The following SRGAP2C variants were observed in gnomAD, a reference collection of about 807,000 sequenced individuals.
The protein encoded by SRGAP2C is SLIT-ROBO Rho GTPase-activating protein 2C.
A neutral mutation model predicts 25.1 loss-of-function variants in SRGAP2C; 15 were observed. That is an observed-to-expected ratio of 0.60 (90% confidence interval 0.40 to 0.92). The LOEUF is 0.92. Ranked by LOEUF, SRGAP2C falls within the 40% of genes least tolerant of loss-of-function variation. The probability of loss-of-function intolerance (pLI) is 0.00; values close to 1 mark genes in which losing one functional copy is unlikely to be tolerated. For synonymous variants in SRGAP2C, 44 were observed against 96.6 expected, an observed-to-expected ratio of 0.46 and a Z score of 3.19; for missense variants, 144 against 264.4, an observed-to-expected ratio of 0.54 and a Z score of 3.16.
chr1:121,225,843 T>A (rs1232876565), intron 2 of SRGAP2C, among the ~76,000 whole-genome samples: 1 of 140,916 alleles, frequency 7.1e-6, no homozygotes, highest in Non-Finnish European at 1.5e-5. Context: ...TAGCTGGGAT[T>A]ACAGGCGCCC....
At chr1:121,259,434 C>A (rs1656558553) in intron 2 of SRGAP2C, among the ~76,000 whole-genome samples, 1 of 129,334 alleles carries the variant, frequency 7.7e-6, no homozygotes, top group African/African-American at 3.0e-5. Flanking sequence ...GAGCCAAGAT[C>A]ATGCCACTGC....
chr1:121,198,289 T>C (rs1374847067), intron 2 of SRGAP2C, among the ~76,000 whole-genome samples: 1 of 151,624 alleles, frequency 6.6e-6, no homozygotes, highest in Middle Eastern at 3.2e-3. Context: ...TTGTTTTTTT[T>C]TTTTGTTTGT....
At chr1:121,198,300 T>G (rs1236293165) in intron 2 of SRGAP2C, among the ~76,000 whole-genome samples, 4 of 151,690 alleles carry the variant, frequency 2.6e-5, no homozygotes, top group African/African-American at 4.9e-5. Flanking sequence ...TTTTGTTTGT[T>G]TGTTTGTTTT....
intron 4 of SRGAP2C, among the ~76,000 whole-genome samples, chr1:121,355,164 T>C (rs1659032298): frequency 6.9e-6 from 1 of 145,244 alleles, no homozygotes; most frequent in Admixed American, 7.0e-5. Context: ...AGATAAATCA[T>C]CACCCCAATG....
At chr1:121,216,261 G>A (rs1454396291) in intron 2 of SRGAP2C, among the ~76,000 whole-genome samples, 1 of 151,988 alleles carries the variant, frequency 6.6e-6, no homozygotes, top group African/African-American at 2.4e-5. Context: ...TCTGCAAAGA[G>A]GGACAGTCCC....
intron 2 of SRGAP2C, among the ~76,000 whole-genome samples, chr1:121,255,509 C>A (rs1377170842): frequency 2.6e-5 from 4 of 151,096 alleles, no homozygotes; most frequent in Admixed American, 6.6e-5. Flanking sequence ...TCAAGAGATA[C>A]TTTTATTCCT....
intron 2 of SRGAP2C, among the ~76,000 whole-genome samples, chr1:121,254,003 C>T (rs1231617895): frequency 6.6e-6 from 1 of 151,730 alleles, no homozygotes; most frequent in Non-Finnish European, 1.5e-5. Flanking sequence ...GTCTCAACCT[C>T]CTGGGTTCAA....
chr1:121,310,801 T>C (rs1410110327), intron 3 of SRGAP2C, among the ~76,000 whole-genome samples: 1 of 86,908 alleles, frequency 1.2e-5, no homozygotes, highest in Non-Finnish European at 2.5e-5. Flanking sequence ...TTGGTACCAG[T>C]ACCATGCTGT....
chr1:121,329,696 T>C (rs1391017010), intron 4 of SRGAP2C, among the ~76,000 whole-genome samples: 2 of 148,314 alleles, frequency 1.3e-5, no homozygotes, highest in Non-Finnish European at 3.0e-5. Context: ...TGAACCCCCT[T>C]AAGGGAGGCT....
intron 3 of SRGAP2C, among the ~76,000 whole-genome samples, chr1:121,295,673 G>T (rs1440024564): frequency 2.0e-5 from 3 of 152,036 alleles, no homozygotes; most frequent in Non-Finnish European, 4.4e-5. Context: ...GTGTCTTTTT[G>T]ACTTGGGTGA....
chr1:121,361,344 G>A (rs587691731), intron 4 of SRGAP2C: 61 of 139,072 alleles, frequency 4.4e-4, no homozygotes, highest in African/African-American at 1.6e-3. Flanking sequence ...ATTTAAAGAG[G>A]TCTAAGGAAG....
Position 121,261,094 on chromosome 1 carries a change from A to ATTTTTTTTTT in SRGAP2C, c.68-23689_68-23680dup, listed in dbSNP as rs1211026484. On this transcript the variant is annotated intron_variant, in intron 2 of 9. Transcript: ENST00000367123. ...CAGACATGCACCACCACACCTGGCT[A>ATTTTTTTTTT]TTTTTTTTTTTTTTTTTTTTTTTTT... Among the ~76,000 whole-genome samples the ATTTTTTTTTT allele has an allele frequency of 2.5e-3, 65 of 26,266 alleles. 6 individuals carry two copies. The highest frequency in any genetic ancestry group is 7.8e-3 in the African/African-American group (51 of 6,554). 17.2% of individuals were successfully genotyped at this position (26,266 alleles called of 152,430 possible). A position where few individuals can be genotyped will look rare whatever the true frequency, so the allele number is the denominator to read the frequency against.
chr1:121,223,151 C>T (rs1387541185), intron 2 of SRGAP2C, among the ~76,000 whole-genome samples: 1 of 148,518 alleles, frequency 6.7e-6, no homozygotes, highest in African/African-American at 2.5e-5. Context: ...TCTGTGCTGC[C>T]CTTTCCCAAA....
intron 3 of SRGAP2C, among the ~76,000 whole-genome samples, chr1:121,287,746 C>CA (rs1657402313): frequency 6.6e-6 from 1 of 152,082 alleles, no homozygotes; most frequent in South Asian, 2.1e-4. Flanking sequence ...TGGAGTCTGT[C>CA]CCTTCTGATG....
At chr1:121,281,436 C>T (rs1173711684) in intron 2 of SRGAP2C, among the ~76,000 whole-genome samples, 2 of 148,028 alleles carry the variant, frequency 1.4e-5, no homozygotes, top group Non-Finnish European at 3.0e-5. Flanking sequence ...TCTTCTTCCT[C>T]TTCCTCTTCT....
intron 2 of SRGAP2C, among the ~76,000 whole-genome samples, chr1:121,217,911 A>G (rs1479410848): frequency 6.6e-6 from 1 of 150,758 alleles, no homozygotes; most frequent in Non-Finnish European, 1.5e-5. Context: ...TTCTTTTTCC[A>G]GAGATAGCAT....
intron 2 of SRGAP2C, among the ~76,000 whole-genome samples, chr1:121,236,162 A>T (rs1472253922): frequency 6.6e-6 from 1 of 151,018 alleles, no homozygotes; most frequent in African/African-American, 2.4e-5. Flanking sequence ...TTTAGTAGAG[A>T]ACACAGTTTG....
intron 5 of SRGAP2C, among the ~76,000 whole-genome samples, chr1:121,368,047 G>C (rs1659381917): frequency 9.4e-6 from 1 of 106,116 alleles, no homozygotes. Flanking sequence ...CTGCACTCCA[G>C]CCTGGGCAAC....
In SRGAP2C at chr1:121,273,933, A is replaced by T. The variant is rs1657040032; in HGVS notation, c.68-10870A>T. On this transcript the variant is annotated intron_variant, in intron 2 of 9. Coordinates refer to ENST00000367123, the MANE Select transcript of SRGAP2C (RefSeq NM_001329984.2). ...CAGGCTGGTGCATCAACAACATATG[A>T]AGGCCCAGGAACAGCCATTGCAACA... Among the ~76,000 whole-genome samples the T allele has an allele frequency of 2.0e-5, 3 of 151,770 alleles. No individual in the cohort carries two copies. In the South Asian group the frequency reaches 6.2e-4, roughly 32 times the overall value.
Sources: gnomAD v4.1 joint callset for allele counts (sites outside exome capture counted in the v4.1 genomes callset) on GRCh38, gnomAD v4.1.1 for gene constraint, MANE v1.5 for transcripts, NCBI Gene and HGNC (gene_info 2026-07-23, HGNC 2026-07-21) for gene names.